The following CHFR variants were observed in gnomAD, a reference collection of about 807,000 sequenced individuals.
CHFR encodes the protein checkpoint with forkhead and ring finger domains, also known as E3 ubiquitin-protein ligase CHFR.
CHFR carries 57 observed loss-of-function variants against 87.6 expected under a neutral mutation model. That is an observed-to-expected ratio of 0.65 (90% confidence interval 0.53 to 0.81). The LOEUF is 0.81. Ranked by LOEUF, CHFR falls within the 30% of genes least tolerant of loss-of-function variation. The probability of loss-of-function intolerance (pLI) is 0.00; values close to 1 mark genes in which losing one functional copy is unlikely to be tolerated. For missense variants in CHFR, 797 were observed against 865.8 expected, an observed-to-expected ratio of 0.92 and a Z score of 1.00; for synonymous variants, 381 against 359.2, an observed-to-expected ratio of 1.06 and a Z score of -0.69.
chr12:132,881,929 C>A (rs1362468755), intron 2 of CHFR, among the ~76,000 whole-genome samples: 2 of 150,896 alleles, frequency 1.3e-5, no homozygotes, highest in Non-Finnish European at 2.9e-5. Context: ...AGTGGAAAAC[C>A]TGGAACTCTC....
intron 3 of CHFR, among the ~76,000 whole-genome samples, chr12:132,873,202 C>T (rs1322200343): frequency 2.0e-5 from 3 of 152,202 alleles, no homozygotes; most frequent in African/African-American, 4.8e-5. Context: ...GTGACCACCA[C>T]GGTTTGCTGA....
intron 11 of CHFR, 52 bp downstream of exon 11, chr12:132,853,379 A>G (rs1334939115): frequency 1.4e-6 from 2 of 1,439,102 alleles, no homozygotes; most frequent in East Asian, 2.8e-5. Context: ...CACCGGGCAC[A>G]GCCACAAAGT....
chr12:132,856,506 C>T lies in CHFR; in HGVS notation c.1191G>A (p.Leu397=). ...SDEEGSSEDL[L]ELSDVDSESS... is the part of the protein sequence containing the mutation. ...ACTCACTGTCAACGTCTGACAGCTC[C>T]AGCAGGTCCTCTGAACTCCCTTCTT... The change falls in exon 10 of 18, where the codon CTG becomes CTA. Residue 397 remains leucine, a synonymous_variant. Coordinates refer to ENST00000450056, the MANE Select transcript of CHFR (RefSeq NM_001161346.2). 6.2e-7 allele frequency: 1 copy of T among 1,614,202 alleles called. No individual in the cohort carries two copies. The highest frequency in any genetic ancestry group is 1.3e-5 in the African/African-American group (1 of 75,046).
rs1951791358 is a variant in CHFR at position 132,882,454 on chromosome 12, C to G, written c.133+4742G>C. ...TTTCCCAAAACTCATGGAACTGAACCCCAAAAAAGGTGAATTTTACTACAA... is the reference window on the plus strand; with the variant it reads ...TTTCCCAAAACTCATGGAACTGAACGCCAAAAAAGGTGAATTTTACTACAA... On this transcript the variant is annotated intron_variant, in intron 2 of 17. Coordinates refer to ENST00000450056, the MANE Select transcript of CHFR (RefSeq NM_001161346.2). Among the ~76,000 whole-genome samples, 3 of 152,072 alleles carry G rather than the reference C, an allele frequency of 2.0e-5. No individual in the cohort carries two copies. In the South Asian group the frequency reaches 6.2e-4, roughly 32 times the overall value.
chr12:132,845,192 G>A (rs1026328965), intron 15 of CHFR, among the ~76,000 whole-genome samples: 14 of 151,866 alleles, frequency 9.2e-5, no homozygotes, highest in Admixed American at 3.3e-4. Flanking sequence ...ACGGTGGCTC[G>A]CGCCTGTAAT....
intron 6 of CHFR, among the ~76,000 whole-genome samples, chr12:132,863,694 C>T (rs992215142): frequency 6.6e-6 from 1 of 152,088 alleles, no homozygotes; most frequent in Non-Finnish European, 1.5e-5. Context: ...GCTATCTCCA[C>T]GAGCAAGAAG....
rs1950696268 is a variant in CHFR, at chr12:132,841,031, T to C, written c.*523A>G. The C allele has an allele frequency of 6.5e-6, 1 of 152,890 alleles. No homozygotes were observed. Among genetic ancestry groups the C allele is most frequent in the Admixed American group, 6.5e-5 (1 of 15,294 alleles). The allele number at this position is 152,890 out of a possible 1,614,324, so 9.5% of individuals were successfully genotyped here. On this transcript the variant is annotated 3_prime_UTR_variant, in exon 18 of 18. Coordinates refer to ENST00000450056, the MANE Select transcript of CHFR (RefSeq NM_001161346.2). ...TATTTGTGCTACAGTTTGTGACATTTAAATCTTATTAGAAGATAAGCACCA... is the reference window on the plus strand; with the variant it reads ...TATTTGTGCTACAGTTTGTGACATTCAAATCTTATTAGAAGATAAGCACCA...
At chr12:132,886,067 T>C (rs1433733419) in intron 2 of CHFR, among the ~76,000 whole-genome samples, 1 of 152,160 alleles carries the variant, frequency 6.6e-6, no homozygotes, top group Non-Finnish European at 1.5e-5. Flanking sequence ...ATCCCAGCAC[T>C]TTCGGAGGCC....
At chr12:132,863,665 A>G (rs1390426280) in intron 6 of CHFR, among the ~76,000 whole-genome samples, 1 of 152,224 alleles carries the variant, frequency 6.6e-6, no homozygotes, top group African/African-American at 2.4e-5. Flanking sequence ...GATACAGCAC[A>G]GTGACTTGTA....
intron 4 of CHFR, among the ~76,000 whole-genome samples, chr12:132,871,135 C>T (rs1951478219): frequency 6.6e-6 from 1 of 152,228 alleles, no homozygotes; most frequent in South Asian, 2.1e-4. Context: ...GCCCCATTCT[C>T]CCTCACCACT....
chr12:132,877,280 C>A (rs919890440), intron 3 of CHFR, among the ~76,000 whole-genome samples: 4 of 152,046 alleles, frequency 2.6e-5, no homozygotes, highest in Non-Finnish European at 5.9e-5. Context: ...TCGGCTATAC[C>A]ATATAGCCTA....
chr12:132,858,888 G>A (rs1282574654), intron 8 of CHFR, among the ~76,000 whole-genome samples, 180 bp downstream of exon 8: 2 of 150,648 alleles, frequency 1.3e-5, no homozygotes, highest in Non-Finnish European at 2.9e-5. Flanking sequence ...AGGTTGCAGT[G>A]GGCTGAGAAA....
At chr12:132,872,722 C>T (rs971107600) in intron 3 of CHFR, among the ~76,000 whole-genome samples, 4 of 152,204 alleles carry the variant, frequency 2.6e-5, no homozygotes, top group African/African-American at 9.6e-5. Flanking sequence ...CTTCCACCTC[C>T]AGCCTCCCCT....
intron 17 of CHFR, 128 bp from the exon 18 acceptor site, chr12:132,841,724 T>C: frequency 2.6e-6 from 2 of 775,320 alleles, no homozygotes; most frequent in Non-Finnish European, 4.6e-6. Context: ...AAGAGCTACC[T>C]GAGAAAGAGT....
At chr12:132,879,536 G>A (rs772716713) in intron 2 of CHFR, among the ~76,000 whole-genome samples, 4 of 151,880 alleles carry the variant, frequency 2.6e-5, no homozygotes, top group Admixed American at 6.6e-5. Flanking sequence ...GATTACAGGC[G>A]CACACCACCA....
chr12:132,859,795 A>C (rs1251507427), intron 7 of CHFR, among the ~76,000 whole-genome samples: 1 of 152,164 alleles, frequency 6.6e-6, no homozygotes, highest in Non-Finnish European at 1.5e-5. Flanking sequence ...TAATCCCAGC[A>C]CTTTGGGAGG....
chr12:132,877,735 T>A, intron 2 of CHFR, 81 bp from the exon 3 acceptor site: 1 of 783,518 alleles, frequency 1.3e-6, no homozygotes, highest in Non-Finnish European at 2.1e-6. Flanking sequence ...CCAAAGTATG[T>A]GGTTCCAACT....
chr12:132,848,002 C>T, intron 14 of CHFR, 83 bp downstream of exon 14: 1 of 1,605,866 alleles, frequency 6.2e-7, no homozygotes, highest in Non-Finnish European at 8.5e-7. Flanking sequence ...AACAGATAAA[C>T]ACCAATAGAA....
At chr12:132,856,059 T>C (rs1951062313) in intron 10 of CHFR, among the ~76,000 whole-genome samples, 2 of 152,198 alleles carry the variant, frequency 1.3e-5, no homozygotes, top group South Asian at 2.1e-4. Context: ...TAGGACTTTA[T>C]AGTCGCTAGA....
Sources: gnomAD v4.1 joint callset for allele counts (sites outside exome capture counted in the v4.1 genomes callset) on GRCh38, gnomAD v4.1.1 for gene constraint, MANE v1.5 for transcripts, NCBI Gene and HGNC (gene_info 2026-07-23, HGNC 2026-07-21) for gene names.